NFKB1: variants seen among roughly 807,000 people sequenced by gnomAD.
NFKB1 encodes the protein nuclear factor kappa B subunit 1.
In NFKB1, 9 loss-of-function variants were observed where a neutral mutation model predicts 105.1. The observed-to-expected ratio is 0.09, with a 90% CI of 0.05 to 0.15. The LOEUF is 0.15. Ranked by LOEUF, NFKB1 falls within the 10% of genes least tolerant of loss-of-function variation. The pLI is 1.00. For synonymous variants in NFKB1, 440 were observed against 442.2 expected (o/e 1.00, Z 0.06); for missense variants, 830 against 1,203.7 (o/e 0.69, Z 4.59).
At chr4:102,533,932 A>C in intron 4 of NFKB1, 47 bp downstream of exon 4, 1 of 1,505,334 alleles carries the variant, frequency 6.6e-7, no homozygotes, top group Non-Finnish European at 9.2e-7. Flanking sequence ...CCAGTGTCTA[A>C]TATTGAGATC....
chr4:102,584,582 T>C, intron 10 of NFKB1, 100 bp from the exon 11 acceptor site: 1 of 1,201,902 alleles, frequency 8.3e-7, no homozygotes, highest in Non-Finnish European at 1.1e-6. Flanking sequence ...AAACATTGGG[T>C]ATAAAGAAAA....
chr4:102,550,110 G>A (rs757613050), intron 5 of NFKB1, among the ~76,000 whole-genome samples: 66 of 151,658 alleles, frequency 4.4e-4, no homozygotes, highest in Non-Finnish European at 8.2e-4. Context: ...GTATGAACTC[G>A]TGGATTCTTT....
chr4:102,561,431 C>G (rs572662489), intron 5 of NFKB1, among the ~76,000 whole-genome samples: 1 of 152,178 alleles, frequency 6.6e-6, no homozygotes, highest in Non-Finnish European at 1.5e-5. Flanking sequence ...CCTGAGACCT[C>G]TCTTCTCACA....
At chr4:102,511,023 T>A (rs994559074) in intron 1 of NFKB1, 110 of 1,055,026 alleles carry the variant, frequency 1.0e-4, no homozygotes, top group Admixed American at 2.7e-4. Flanking sequence ...AGGGGTGGAG[T>A]AGGGGAAGCA....
chr4:102,512,442 G>T (rs1560630208), intron 1 of NFKB1, among the ~76,000 whole-genome samples: 1 of 152,122 alleles, frequency 6.6e-6, no homozygotes, highest in African/African-American at 2.4e-5. Flanking sequence ...TCGACTTCCT[G>T]GTCCCAAGCT....
At chr4:102,579,173 T>C (rs1460114397) in intron 8 of NFKB1, 134 bp downstream of exon 8, 1 of 846,556 alleles carries the variant, frequency 1.2e-6, no homozygotes, top group African/African-American at 1.7e-5. Flanking sequence ...CTGTAAAATG[T>C]GAATAGGAAA....
chr4:102,558,463 A>G (rs1313828280), intron 5 of NFKB1, among the ~76,000 whole-genome samples: 1 of 151,858 alleles, frequency 6.6e-6, no homozygotes, highest in Non-Finnish European at 1.5e-5. Context: ...AGTTATCTCC[A>G]CTCCTCACCC....
At chr4:102,545,423 A>G (rs555022840) in intron 5 of NFKB1, among the ~76,000 whole-genome samples, 8 of 152,258 alleles carry the variant, frequency 5.3e-5, no homozygotes, top group Non-Finnish European at 1.0e-4. Flanking sequence ...ATCTCATTTA[A>G]TCATCACAGT....
intron 2 of NFKB1, among the ~76,000 whole-genome samples, chr4:102,526,123 G>A (rs1740896220): frequency 6.6e-6 from 1 of 152,116 alleles, no homozygotes; most frequent in South Asian, 2.1e-4. Flanking sequence ...TGGATTTAGG[G>A]TACACCCTTA....
intron 16 of NFKB1, among the ~76,000 whole-genome samples, chr4:102,604,544 C>G (rs1231523853): frequency 6.6e-6 from 1 of 151,928 alleles, no homozygotes; most frequent in African/African-American, 2.4e-5. Context: ...TTTTAAATGC[C>G]TAAGTGGCAT....
At position 102,607,158 on chromosome 4, in the gene NFKB1, G is replaced by A. The variant is rs113549494; in HGVS notation, c.1963G>A (p.Ala655Thr). ...CTTTGCTTGGACTCTAGGTCTGAATGCCATTCATCTAGCCATGATGAGCAA... is the reference window on the plus strand; with the variant it reads ...CTTTGCTTGGACTCTAGGTCTGAATACCATTCATCTAGCCATGATGAGCAA... ...LDHPNGDGLN[A>T]IHLAMMSNSL... Residue 655 changes from alanine (A) to threonine (T), a missense_variant, in exon 18 of 24, where the codon GCC (alanine) becomes ACC (threonine). This residue lies in a region of NFKB1 where 418 missense variants were observed against 575.3 expected (regional missense o/e 0.73). Transcript: ENST00000226574. 6.2e-7 allele frequency: 1 copy of A among 1,614,084 alleles called. No individual in the cohort carries two copies. Among genetic ancestry groups the A allele is most frequent in the South Asian group, 1.1e-5 (1 of 91,076 alleles).
chr4:102,533,242 A>T (rs115155121), intron 3 of NFKB1, among the ~76,000 whole-genome samples: 65 of 152,276 alleles, frequency 4.3e-4, no homozygotes, highest in African/African-American at 1.5e-3. Context: ...AAGGGGAAAC[A>T]AACTAACCAG....
intron 15 of NFKB1, among the ~76,000 whole-genome samples, chr4:102,598,784 C>A (rs368456280): frequency 1.3e-5 from 2 of 152,138 alleles, no homozygotes; most frequent in Non-Finnish European, 2.9e-5. Context: ...AGAAGATGAG[C>A]ACATACAGGT....
chr4:102,514,678 G>A (rs899079926), intron 1 of NFKB1, among the ~76,000 whole-genome samples: 1 of 152,132 alleles, frequency 6.6e-6, no homozygotes, highest in African/African-American at 2.4e-5. Flanking sequence ...ACCGAGAGAG[G>A]AATGTTAAAA....
chr4:102,601,921 GC>G (rs1290032482), intron 16 of NFKB1, among the ~76,000 whole-genome samples: 1 of 152,124 alleles, frequency 6.6e-6, no homozygotes, highest in East Asian at 1.9e-4. Context: ...TCCTGCCCTT[GC>G]CCACTTCTTA....
intron 6 of NFKB1, among the ~76,000 whole-genome samples, chr4:102,568,198 C>T (rs1724030856): frequency 6.6e-6 from 1 of 151,500 alleles, no homozygotes. Context: ...CTAGGTATTT[C>T]TTTGTTTGAC....
intron 3 of NFKB1, among the ~76,000 whole-genome samples, chr4:102,531,074 T>C (rs1169397092): frequency 1.3e-5 from 2 of 152,180 alleles, no homozygotes; most frequent in East Asian, 3.8e-4. Context: ...TTAGTATTAA[T>C]GTATTACTGA....
Position 102,573,278 on chromosome 4 carries a change from G to A in NFKB1, c.408-3598G>A, listed in dbSNP as rs557745087. ...AGCCGAGATCGCACAATTGCACTCCGGCCTGCGCAACAAGAAAGAAACTCC... is the reference window on the plus strand; with the variant it reads ...AGCCGAGATCGCACAATTGCACTCCAGCCTGCGCAACAAGAAAGAAACTCC... On this transcript the variant is annotated intron_variant, in intron 6 of 23. Transcript: ENST00000226574. Among the ~76,000 whole-genome samples, 113 of 152,130 alleles carry A rather than the reference G, an allele frequency of 7.4e-4. 3 individuals carry two copies. In the South Asian group the frequency reaches 0.02, roughly 27 times the overall value.
intron 15 of NFKB1, among the ~76,000 whole-genome samples, chr4:102,599,014 G>A (rs368578245): frequency 5.3e-5 from 8 of 152,040 alleles, no homozygotes; most frequent in Non-Finnish European, 8.8e-5. Flanking sequence ...AATTCAGCTC[G>A]TCATATTTGG....
Sources: gnomAD v4.1 joint callset for allele counts (sites outside exome capture counted in the v4.1 genomes callset) on GRCh38, gnomAD v4.1.1 for gene constraint, gnomAD v4.1.1 regional missense constraint, MANE v1.5 for transcripts, NCBI Gene and HGNC (gene_info 2026-07-23, HGNC 2026-07-21) for gene names.